The following TTC7A variants were observed in gnomAD, a reference collection of about 807,000 sequenced individuals.
TTC7A encodes tetratricopeptide repeat protein 7A.
A neutral mutation model predicts 103.7 loss-of-function variants in TTC7A; 110 were observed. That is an observed-to-expected ratio of 1.06 (90% CI 0.91 to 1.24). The LOEUF is 1.24. Ranked by LOEUF, TTC7A falls within the 50% of genes most tolerant of loss-of-function variation. The pLI is 0.00. For synonymous variants in TTC7A, 521 were observed against 467.9 expected (o/e 1.11, Z -1.47); for missense variants, 1,340 against 1,116.3 (o/e 1.20, Z -2.86).
Position 46,997,943 on chromosome 2 carries a change from T to C in TTC7A, c.1065+2744T>C, listed in dbSNP as rs373618469. 2.6e-5 allele frequency among the ~76,000 whole-genome samples: 4 copies of C among 152,126 alleles called. No homozygotes were observed. In the East Asian group the frequency reaches 5.8e-4, roughly 22 times the overall value. ...TGGAGAATGGCCTTTTACAGAAACATGGCCCGTGCTTGGAGCCAGGTGGGT... is the reference window on the plus strand; with the variant it reads ...TGGAGAATGGCCTTTTACAGAAACACGGCCCGTGCTTGGAGCCAGGTGGGT... On this transcript the variant is annotated intron_variant, in intron 8 of 19. Coordinates refer to ENST00000319190, the MANE Select transcript of TTC7A (RefSeq NM_020458.4).
At position 47,074,448 on chromosome 2, in the gene TTC7A, G is replaced by GC. The variant is rs1169080717; in HGVS notation, c.*529dup. 6.6e-6 allele frequency: 1 copy of GC among 152,576 alleles called. No individual in the cohort carries two copies. The highest frequency in any genetic ancestry group is 1.4e-5 in the Non-Finnish European group (1 of 69,416). 9.5% of individuals were successfully genotyped at this position (152,576 alleles called of 1,614,324 possible). A position where few individuals can be genotyped will look rare whatever the true frequency, so the allele number is the denominator to read the frequency against. On this transcript the variant is annotated 3_prime_UTR_variant, in exon 20 of 20. Transcript: ENST00000319190. ...CTGCTTGCCCTCTGAGACCAGCTGG[G>GC]CCCCACCTTGCTCTTTCCCCCTGCT... is the stretch of plus-strand genomic sequence containing the variant.
chr2:46,939,278 G>A (rs1324589211), upstream of TTC7A, among the ~76,000 whole-genome samples: 1 of 152,026 alleles, frequency 6.6e-6, no homozygotes, highest in Non-Finnish European at 1.5e-5. Context: ...AAATTGGCCA[G>A]GCGCAGTGGC....
chr2:46,936,664 G>A (rs1669994637), upstream of TTC7A, among the ~76,000 whole-genome samples: 1 of 152,120 alleles, frequency 6.6e-6, no homozygotes. Context: ...TCACCCAAAT[G>A]TGTACACTTA....
In TTC7A at chr2:46,978,782, C is replaced by G. The variant is rs149360779; in HGVS notation, c.649-10C>G. 4.3e-6 allele frequency: 7 copies of G among 1,611,506 alleles called. No homozygotes were observed. The highest frequency in any genetic ancestry group is 2.2e-5 in the East Asian group (1 of 44,866). On this transcript the variant is annotated splice_polypyrimidine_tract_variant and intron_variant, in intron 4 of 19. Coordinates refer to ENST00000319190, the MANE Select transcript of TTC7A (RefSeq NM_020458.4). ...TGAGACAATGGCTCTCTCTCTGTTTCCCTTCCCAGACCACAAATAACAGCA... is the reference window on the plus strand; with the variant it reads ...TGAGACAATGGCTCTCTCTCTGTTTGCCTTCCCAGACCACAAATAACAGCA...
chr2:46,973,024 T>C (rs1431273982), intron 3 of TTC7A, among the ~76,000 whole-genome samples: 1 of 152,192 alleles, frequency 6.6e-6, no homozygotes, highest in Non-Finnish European at 1.5e-5. Context: ...TGGGTCCAGA[T>C]AGTATTATGG....
At chr2:47,072,819 C>CT (rs1684878800) in intron 19 of TTC7A, among the ~76,000 whole-genome samples, 1 of 150,978 alleles carries the variant, frequency 6.6e-6, no homozygotes. Flanking sequence ...GGGCCCTGCC[C>CT]TCTCCCTCCA....
chr2:47,023,372 C>T (rs565325638), intron 12 of TTC7A, 36 bp from the exon 13 acceptor site: 5 of 1,612,048 alleles, frequency 3.1e-6, no homozygotes, highest in South Asian at 2.2e-5. Context: ...CCTTCAGTGA[C>T]CCCTGATGGC....
intron 12 of TTC7A, among the ~76,000 whole-genome samples, chr2:47,022,491 T>C (rs1430736478): frequency 1.3e-5 from 2 of 152,190 alleles, no homozygotes; most frequent in Non-Finnish European, 2.9e-5. Flanking sequence ...TGCTCCTTCC[T>C]GCCCCACACC....
intron 12 of TTC7A, 94 bp from the exon 13 acceptor site, chr2:47,023,314 A>G (rs569270959): frequency 7.4e-6 from 10 of 1,359,750 alleles, no homozygotes; most frequent in South Asian, 2.4e-5. Flanking sequence ...TGGGGCCTTT[A>G]TCTGCAGAGC....
At chr2:47,040,688 A>G (rs960809923) in intron 15 of TTC7A, among the ~76,000 whole-genome samples, 2 of 152,186 alleles carry the variant, frequency 1.3e-5, no homozygotes, top group African/African-American at 2.4e-5. Flanking sequence ...TGCGGCTTCA[A>G]AGCAGGAGTC....
intron 15 of TTC7A, chr2:47,035,152 G>A (rs1362153741): frequency 6.6e-6 from 1 of 152,168 alleles, no homozygotes; most frequent in African/African-American, 2.4e-5. Context: ...GAGTCCCGGG[G>A]CTTCTGTTAA....
intron 8 of TTC7A, among the ~76,000 whole-genome samples, chr2:46,995,743 C>T (rs1302229680): frequency 6.6e-6 from 1 of 152,204 alleles, no homozygotes; most frequent in Non-Finnish European, 1.5e-5. Context: ...CACGCAACAG[C>T]TATTTATTGA....
At chr2:47,069,055 T>C (rs924728407) in intron 19 of TTC7A, among the ~76,000 whole-genome samples, 1 of 151,884 alleles carries the variant, frequency 6.6e-6, no homozygotes, top group African/African-American at 2.4e-5. Context: ...GGGACTCACT[T>C]CTAGAACCCG....
At chr2:46,970,134 T>C (rs1673223001) in intron 3 of TTC7A, among the ~76,000 whole-genome samples, 1 of 151,976 alleles carries the variant, frequency 6.6e-6, no homozygotes. Flanking sequence ...GAGTCACAAG[T>C]GTGCGCCACC....
chr2:47,002,171 A>T (rs1450047947), intron 8 of TTC7A, among the ~76,000 whole-genome samples: 1 of 152,222 alleles, frequency 6.6e-6, no homozygotes, highest in Non-Finnish European at 1.5e-5. Context: ...AGCCGGAAGG[A>T]CAAAGGCTAG....
intron 15 of TTC7A, among the ~76,000 whole-genome samples, chr2:47,036,867 G>T (rs992976019): frequency 2.6e-5 from 4 of 152,198 alleles, no homozygotes; most frequent in African/African-American, 9.7e-5. Flanking sequence ...AAAGTCCTGA[G>T]CATGTGTTGG....
chr2:46,975,918 G>C (rs1156693922), intron 4 of TTC7A, among the ~76,000 whole-genome samples: 2 of 152,034 alleles, frequency 1.3e-5, no homozygotes, highest in Non-Finnish European at 2.9e-5. Context: ...TGTATTTTTA[G>C]TAGAGACAGG....
intron 5 of TTC7A, among the ~76,000 whole-genome samples, chr2:46,990,497 C>T (rs931931939): frequency 6.6e-6 from 1 of 152,236 alleles, no homozygotes; most frequent in African/African-American, 2.4e-5. Context: ...GTCCTCTCCC[C>T]TACTCATGAG....
chr2:46,998,525 C>T (rs1474204782), intron 8 of TTC7A, among the ~76,000 whole-genome samples: 1 of 152,234 alleles, frequency 6.6e-6, no homozygotes, highest in Non-Finnish European at 1.5e-5. Context: ...TTTCCTCATC[C>T]CGCTTTGATG....
Sources: allele counts gnomAD v4.1 joint callset (sites outside exome capture counted in the v4.1 genomes callset), GRCh38; gene constraint gnomAD v4.1.1; transcripts MANE v1.5; gene names NCBI Gene and HGNC (gene_info 2026-07-23, HGNC 2026-07-21).